Variants in RFX7 observed in about 807,000 individuals in gnomAD.
RFX7 encodes regulatory factor X7.
In RFX7, 26 loss-of-function variants were observed where a neutral mutation model predicts 111.8. The observed-to-expected ratio is 0.23, with a 90% CI of 0.17 to 0.32. The LOEUF (loss-of-function observed/expected upper bound fraction) is 0.32. Ranked by LOEUF, RFX7 falls within the 10% of genes least tolerant of loss-of-function variation. RFX7 has a pLI of 1.00. For missense variants in RFX7, 1,573 were observed against 1,772.9 expected (o/e 0.89, Z 2.02); for synonymous variants, 624 against 624.4 (o/e 1.00, Z 0.01).
intron 2 of RFX7, among the ~76,000 whole-genome samples, chr15:56,180,847 G>A (rs1043105250): frequency 7.9e-5 from 12 of 151,974 alleles, no homozygotes; most frequent in Non-Finnish European, 1.8e-4. Context: ...AACCCGGGAG[G>A]CAGAGGTTGC....
intron 3 of RFX7, among the ~76,000 whole-genome samples, chr15:56,170,437 G>A (rs1487428224): frequency 6.6e-5 from 10 of 152,010 alleles, no homozygotes; most frequent in Non-Finnish European, 1.2e-4. Flanking sequence ...TTATGGGGGC[G>A]GGGGACATCC....
chr15:56,220,921 T>C (rs2043420424), intron 2 of RFX7, among the ~76,000 whole-genome samples: 1 of 152,124 alleles, frequency 6.6e-6, no homozygotes, highest in Non-Finnish European at 1.5e-5. Flanking sequence ...CCTAGCAACA[T>C]TTATTGAATA....
At chr15:56,224,847 T>G (rs2043465201) in intron 2 of RFX7, among the ~76,000 whole-genome samples, 1 of 152,134 alleles carries the variant, frequency 6.6e-6, no homozygotes, top group Admixed American at 6.5e-5. Context: ...TGCATTTAAC[T>G]ATGTATTCAT....
At chr15:56,150,069 T>A (rs986504036) in intron 3 of RFX7, among the ~76,000 whole-genome samples, 1 of 152,094 alleles carries the variant, frequency 6.6e-6, no homozygotes, top group African/African-American at 2.4e-5. Context: ...TTGCTGAAGC[T>A]TGAGTAGGCA....
chr15:56,227,987 G>T (rs1427190614), intron 2 of RFX7, among the ~76,000 whole-genome samples: 1 of 152,022 alleles, frequency 6.6e-6, no homozygotes. Context: ...AAAATTCTAG[G>T]TTGGCGGTTT....
chr15:56,149,519 G>C (rs768626197), intron 3 of RFX7, among the ~76,000 whole-genome samples: 21 of 152,190 alleles, frequency 1.4e-4, no homozygotes, highest in Non-Finnish European at 2.6e-4. Flanking sequence ...ATCTCACTGG[G>C]ACTGGTTGGA....
At chr15:56,209,289 GA>G (rs765258300) in intron 2 of RFX7, among the ~76,000 whole-genome samples, 184 of 129,674 alleles carry the variant, frequency 1.4e-3, no homozygotes, top group East Asian at 7.5e-3. Flanking sequence ...AGTGTCAAGA[GA>G]AAAAAAAAAA....
At chr15:56,227,706 C>T (rs1472249091) in intron 2 of RFX7, among the ~76,000 whole-genome samples, 2 of 152,144 alleles carry the variant, frequency 1.3e-5, no homozygotes, top group Non-Finnish European at 2.9e-5. Context: ...ATGAGCTGTA[C>T]TCAATGAATA....
chr15:56,240,263 T>C (rs527649237), intron 2 of RFX7, among the ~76,000 whole-genome samples: 4 of 152,192 alleles, frequency 2.6e-5, no homozygotes, highest in South Asian at 2.1e-4. Flanking sequence ...GTCTATGGAG[T>C]AAGAATGAGT....
chr15:56,202,614 G>A (rs535504221), intron 2 of RFX7, among the ~76,000 whole-genome samples: 2 of 152,100 alleles, frequency 1.3e-5, no homozygotes, highest in Admixed American at 6.5e-5. Context: ...AACCAACTTC[G>A]ACAACACAGC....
At chr15:56,223,035 CT>C (rs2043443169) in intron 2 of RFX7, among the ~76,000 whole-genome samples, 1 of 152,132 alleles carries the variant, frequency 6.6e-6, no homozygotes, top group Non-Finnish European at 1.5e-5. Flanking sequence ...TAAAGTAGCC[CT>C]AGTCTTTATG....
chr15:56,155,312 C>A (rs1364360217), intron 3 of RFX7, among the ~76,000 whole-genome samples: 2 of 152,072 alleles, frequency 1.3e-5, no homozygotes, highest in Non-Finnish European at 2.9e-5. Flanking sequence ...GGCACATGCA[C>A]ACGTATGTTT....
At position 56,095,918 on chromosome 15, in the gene RFX7, T is replaced by G; in HGVS notation, c.1810A>C (p.Ser604Arg). The G allele has an allele frequency of 1.9e-6, 3 of 1,605,876 alleles. No homozygotes were observed. Among genetic ancestry groups the G allele is most frequent in the Non-Finnish European group, 2.5e-6 (3 of 1,179,792 alleles). Residue 604 changes from serine to arginine, a missense_variant, in exon 10 of 10, where the codon AGT (serine) becomes CGT (arginine). By Grantham distance (110) the Ser-to-Arg change is moderately radical. Transcript: ENST00000559447. ...KVCDQRTKCK[S>R]RCNEMLPGTS... is the part of the protein sequence containing the mutation. ...CCTGGCAGCATTTCATTACAGCGACTTTTACATTTGGTCCTCTGGTCACAG... is the reference window on the plus strand; with the variant it reads ...CCTGGCAGCATTTCATTACAGCGACGTTTACATTTGGTCCTCTGGTCACAG...
At chr15:56,109,564 C>T (rs1213900818) in intron 5 of RFX7, among the ~76,000 whole-genome samples, 46 of 149,732 alleles carry the variant, frequency 3.1e-4, no homozygotes, top group African/African-American at 1.1e-3. Flanking sequence ...AAGTGAGGAG[C>T]GTCTCTGCCC....
intron 5 of RFX7, among the ~76,000 whole-genome samples, chr15:56,127,527 C>G (rs1595946671): frequency 6.9e-6 from 1 of 145,060 alleles, no homozygotes. Flanking sequence ...AAAAGTAAAC[C>G]CCAAAATTGT....
chr15:56,141,673 A>T (rs1304395699), intron 5 of RFX7, among the ~76,000 whole-genome samples: 2 of 135,920 alleles, frequency 1.5e-5, no homozygotes, highest in African/African-American at 5.9e-5. Flanking sequence ...ATATATATAT[A>T]TATGCATATA....
At chr15:56,125,605 G>C (rs1237561970) in intron 5 of RFX7, among the ~76,000 whole-genome samples, 1 of 86,224 alleles carries the variant, frequency 1.2e-5, no homozygotes, top group Non-Finnish European at 2.3e-5. Flanking sequence ...TCTTCTGTGT[G>C]TGTGAGTGTG....
At chr15:56,244,662 A>C (rs982038436), upstream of RFX7, among the ~76,000 whole-genome samples, 4 of 146,138 alleles carry the variant, frequency 2.7e-5, no homozygotes, top group East Asian at 2.0e-4. Context: ...GCATAGCTCA[A>C]GTCGCGGCTT....
intron 3 of RFX7, among the ~76,000 whole-genome samples, chr15:56,163,979 T>G (rs2042754454): frequency 6.6e-6 from 1 of 152,080 alleles, no homozygotes; most frequent in Non-Finnish European, 1.5e-5. Flanking sequence ...GTAATGCACA[T>G]GAGTACAGTA....
Sources: allele counts gnomAD v4.1 joint callset (sites outside exome capture counted in the v4.1 genomes callset), GRCh38; gene constraint gnomAD v4.1.1; transcripts MANE v1.5; gene names NCBI Gene and HGNC (gene_info 2026-07-23, HGNC 2026-07-21).